The following EPB41 variants were observed in gnomAD, a reference collection of about 807,000 sequenced individuals.
EPB41 encodes erythrocyte membrane protein band 4.1, also known as protein 4.1.
In EPB41, 65 loss-of-function variants were observed where a neutral mutation model predicts 108.0. The ratio of observed to expected loss-of-function variants is 0.60; its 90% CI spans 0.49 to 0.74. EPB41 has a LOEUF of 0.74. Among genes scored for constraint, EPB41 ranks in the 30% least tolerant of loss-of-function variants. The pLI is 0.00. For synonymous variants in EPB41, 336 were observed against 358.9 expected (o/e 0.94, Z 0.72); for missense variants, 875 against 1,037.0 (o/e 0.84, Z 2.15).
At chr1:29,069,442 A>T in intron 16 of EPB41, 1 of 1,222,710 alleles carries the variant, frequency 8.2e-7, no homozygotes, top group Non-Finnish European at 1.0e-6. Context: ...CATGATGGTC[A>T]TTATTATTTA....
At chr1:28,896,337 TAGC>T (rs1453289587) in intron 1 of EPB41, among the ~76,000 whole-genome samples, 1 of 152,160 alleles carries the variant, frequency 6.6e-6, no homozygotes, top group Non-Finnish European at 1.5e-5. Context: ...AGGTGGTGGA[TAGC>T]AGCCTAGTCT....
At chr1:29,050,187 C>T (rs1000717433) in intron 11 of EPB41, among the ~76,000 whole-genome samples, 4 of 152,248 alleles carry the variant, frequency 2.6e-5, no homozygotes, top group East Asian at 1.9e-4. Context: ...CTCTGTTCCA[C>T]GCAGCCTTTC....
intron 1 of EPB41, among the ~76,000 whole-genome samples, chr1:28,921,040 A>G (rs1259254329): frequency 6.6e-6 from 1 of 152,166 alleles, no homozygotes; most frequent in Admixed American, 6.6e-5. Context: ...AATAGCTGGG[A>G]CTACAGGTGT....
In EPB41 at chr1:28,887,294, G is replaced by A. The variant is rs1473611232; in HGVS notation, c.-8+84G>A. 7.3e-6 allele frequency: 9 copies of A among 1,232,466 alleles called. No individual in the cohort carries two copies. The highest frequency in any genetic ancestry group is 8.3e-6 in the Non-Finnish European group (8 of 961,042). The allele number at this position is 1,232,466 out of a possible 1,614,324, so 76.3% of individuals were successfully genotyped here. On this transcript the variant is annotated intron_variant, in intron 1 of 16. Coordinates refer to the EPB41 transcript ENST00000347529. This position sits in a 1 kb window ranked among gnomAD's most constrained non-coding sequence, Gnocchi z 4.9. ...CAGAAGAACCTACCCCCAAGGGCTC[G>A]GACCGTCCCGGGAGAGGCGAGACCA...
intron 17 of EPB41, among the ~76,000 whole-genome samples, chr1:29,104,101 G>A (rs1666346936): frequency 6.6e-6 from 1 of 152,168 alleles, no homozygotes; most frequent in Non-Finnish European, 1.5e-5. Context: ...AAATCGCCAT[G>A]TGCCTCAGTT....
chr1:28,945,825 G>A (rs898456469), intron 1 of EPB41, among the ~76,000 whole-genome samples: 1 of 152,190 alleles, frequency 6.6e-6, no homozygotes, highest in Non-Finnish European at 1.5e-5. Context: ...ACAAAATTCT[G>A]TTGGGCTAGC....
chr1:29,030,519 A>G (rs931760729), intron 8 of EPB41, 32 bp downstream of exon 8: 2 of 1,448,392 alleles, frequency 1.4e-6, no homozygotes, highest in Non-Finnish European at 1.9e-6. Flanking sequence ...ATTAATATGC[A>G]TGTGGAAGAT....
At chr1:29,061,572 G>GTTTTTTTTT (rs34413393) in intron 15 of EPB41, among the ~76,000 whole-genome samples, 693 of 64,044 alleles carry the variant, frequency 0.011, 121 homozygotes, top group African/African-American at 0.035. Context: ...CCTGGCCTTT[G>GTTTTTTTTT]TTTTTTTTTT....
intron 4 of EPB41, among the ~76,000 whole-genome samples, chr1:29,009,231 A>G (rs1196925416): frequency 2.0e-5 from 3 of 152,100 alleles, no homozygotes; most frequent in Admixed American, 6.6e-5. Flanking sequence ...TGGAAATTAA[A>G]CAATTTAAAT....
chr1:29,008,432 A>T (rs2096445676), intron 4 of EPB41, among the ~76,000 whole-genome samples: 1 of 152,188 alleles, frequency 6.6e-6, no homozygotes, highest in Non-Finnish European at 1.5e-5. Flanking sequence ...TATCCCAATT[A>T]TACATATGAG....
At chr1:29,025,508 C>T (rs2096708030) in intron 7 of EPB41, among the ~76,000 whole-genome samples, 3 of 151,824 alleles carry the variant, frequency 2.0e-5, no homozygotes, top group South Asian at 4.2e-4. Flanking sequence ...CTAATCTCTT[C>T]CCAGCTGGTT....
chr1:28,892,289 G>A (rs1371554932), intron 1 of EPB41, among the ~76,000 whole-genome samples: 1 of 151,988 alleles, frequency 6.6e-6, no homozygotes, highest in Non-Finnish European at 1.5e-5. Context: ...AGTAGCAAAC[G>A]CTTCTGAATG....
intron 1 of EPB41, among the ~76,000 whole-genome samples, chr1:28,901,856 G>T (rs1432606381): frequency 4.6e-5 from 7 of 152,124 alleles, no homozygotes; most frequent in Admixed American, 1.3e-4. Flanking sequence ...ACTTAAAATT[G>T]TAACACCTTT....
At chr1:28,992,761 G>T (rs182886530) in intron 2 of EPB41, among the ~76,000 whole-genome samples, 146 of 152,284 alleles carry the variant, frequency 9.6e-4, no homozygotes, top group Non-Finnish European at 1.7e-3. Flanking sequence ...ATTGCACCAG[G>T]AAACTCTTCC....
At chr1:28,935,143 A>G (rs1570915144) in intron 1 of EPB41, among the ~76,000 whole-genome samples, 2 of 152,040 alleles carry the variant, frequency 1.3e-5, no homozygotes, top group Non-Finnish European at 2.9e-5. Flanking sequence ...AAATAAATCA[A>G]GATCTGGCCA....
chr1:29,068,743 C>T (rs571457937), intron 16 of EPB41: 1 of 1,232,162 alleles, frequency 8.1e-7, no homozygotes, highest in South Asian at 4.1e-5. Flanking sequence ...GTGAAGAAAA[C>T]TTCTGTCCTA....
At chr1:29,025,437 AG>A (rs1484887309) in intron 7 of EPB41, among the ~76,000 whole-genome samples, 1 of 151,982 alleles carries the variant, frequency 6.6e-6, no homozygotes, top group African/African-American at 2.4e-5. Flanking sequence ...ACTTACAAGT[AG>A]TAAATTATTA....
intron 1 of EPB41, among the ~76,000 whole-genome samples, chr1:28,943,312 T>C (rs1239393304): frequency 6.6e-6 from 1 of 152,126 alleles, no homozygotes; most frequent in African/African-American, 2.4e-5. Context: ...CAAACAGGCA[T>C]ATGAAAAGGT....
At position 29,017,073 on chromosome 1, in the gene EPB41, C is replaced by T. The variant is rs549330605; in HGVS notation, c.906-1151C>T. ...GCCGGATTTCTGCCTTAAAAGATTC[C>T]TTTGGTTATTTCTTTTTCACAGTAA... On this transcript the variant is annotated intron_variant, in intron 6 of 20. Transcript: ENST00000343067. Among the ~76,000 whole-genome samples, 14 of 152,184 alleles carry T rather than the reference C, an allele frequency of 9.2e-5. No homozygotes were observed. In the East Asian group the frequency reaches 2.7e-3, roughly 29 times the overall value.
Sources: gnomAD v4.1 joint callset for allele counts (sites outside exome capture counted in the v4.1 genomes callset) on GRCh38, gnomAD v4.1.1 for gene constraint, Gnocchi (gnomAD v3.1) non-coding constraint, MANE v1.5 for transcripts, NCBI Gene and HGNC (gene_info 2026-07-23, HGNC 2026-07-21) for gene names.